Variants in ADAM9 observed in about 807,000 individuals in gnomAD.
The protein encoded by ADAM9 is ADAM metallopeptidase domain 9.
ADAM9 carries 54 observed loss-of-function variants against 108.1 expected under a neutral mutation model. The observed-to-expected ratio is 0.50, with a 90% confidence interval of 0.40 to 0.63. The LOEUF (loss-of-function observed/expected upper bound fraction) is 0.63, where lower values mean the gene tolerates loss of function less well. ADAM9 is among the 20% of genes least tolerant of loss of function. The probability of loss-of-function intolerance (pLI) is 0.00; values close to 1 mark genes in which losing one functional copy is unlikely to be tolerated. For synonymous variants in ADAM9, 316 were observed against 336.0 expected (o/e 0.94, Z 0.65); for missense variants, 830 against 997.7 (o/e 0.83, Z 2.26).
intron 6 of ADAM9, among the ~76,000 whole-genome samples, 191 bp downstream of exon 6, chr8:39,017,605 G>A (rs1273625785): frequency 6.6e-6 from 1 of 152,092 alleles, no homozygotes; most frequent in Non-Finnish European, 1.5e-5. Context: ...ACCAAGTTGA[G>A]TACAGTTTAG....
intron 9 of ADAM9, among the ~76,000 whole-genome samples, chr8:39,023,653 GA>G (rs1836820317): frequency 6.6e-6 from 1 of 150,676 alleles, no homozygotes; most frequent in East Asian, 2.0e-4. Context: ...GAACAGAATT[GA>G]AAAATTATCT....
At chr8:39,078,732 G>C (rs1408064057) in intron 16 of ADAM9, among the ~76,000 whole-genome samples, 1 of 152,248 alleles carries the variant, frequency 6.6e-6, no homozygotes, top group Non-Finnish European at 1.5e-5. Flanking sequence ...AGTGAGCCGA[G>C]ATTATGCCAC....
chr8:39,007,533 C>A (rs560744725), intron 1 of ADAM9, among the ~76,000 whole-genome samples: 1 of 152,270 alleles, frequency 6.6e-6, no homozygotes, highest in Non-Finnish European at 1.5e-5. Flanking sequence ...CCCCACCAAA[C>A]CAGTTCTTTT....
At chr8:39,021,765 C>T in intron 8 of ADAM9, 51 bp downstream of exon 8, 1 of 1,503,942 alleles carries the variant, frequency 6.6e-7, no homozygotes, top group Non-Finnish European at 9.3e-7. Flanking sequence ...TTCTTTCAGT[C>T]CCAGAACAGA....
intron 2 of ADAM9, among the ~76,000 whole-genome samples, chr8:39,008,649 C>A (rs1439942675): frequency 6.6e-6 from 1 of 152,078 alleles, no homozygotes; most frequent in Non-Finnish European, 1.5e-5. Context: ...AATTATATAA[C>A]CTCACTCAGT....
chr8:39,090,820 C>A (rs1228569120), intron 19 of ADAM9, among the ~76,000 whole-genome samples: 2 of 152,216 alleles, frequency 1.3e-5, no homozygotes, highest in Non-Finnish European at 2.9e-5. Flanking sequence ...TTTCATACAT[C>A]TCCACTGCAC....
At chr8:39,060,546 C>T (rs1349772893) in intron 14 of ADAM9, among the ~76,000 whole-genome samples, 1 of 152,208 alleles carries the variant, frequency 6.6e-6, no homozygotes, top group Admixed American at 6.5e-5. Context: ...GCAACTTCTT[C>T]TTCCCCTTAG....
At chr8:39,044,472 G>C (rs1251501557) in intron 12 of ADAM9, among the ~76,000 whole-genome samples, 2 of 152,002 alleles carry the variant, frequency 1.3e-5, no homozygotes, top group African/African-American at 4.8e-5. Flanking sequence ...TTTAGATTCA[G>C]GGGGTACATA....
chr8:39,042,051 T>C lies in ADAM9; in HGVS notation c.1236T>C (p.Tyr412=), dbSNP rs78451751. ...ATATTCCAAAGCCTGATGAAGCCTA[T>C]AGTGCTCCCTCCTGTGGTAATAAGT... ...LLNIPKPDEA[Y]SAPSCGNKLV... is the part of the protein sequence containing the mutation. The change falls in exon 12 of 22, where the codon TAT becomes TAC. Residue 412 remains tyrosine, a synonymous_variant. Coordinates refer to ENST00000487273, the MANE Select transcript of ADAM9 (RefSeq NM_003816.3). 3.8e-4 allele frequency: 611 copies of C among 1,614,132 alleles called. 6 individuals are homozygous for C. In the East Asian group the frequency reaches 0.013, roughly 35 times the overall value.
intron 15 of ADAM9, among the ~76,000 whole-genome samples, chr8:39,072,297 T>TCTACCCATTCTA (rs1838719345): frequency 6.6e-6 from 1 of 152,206 alleles, no homozygotes; most frequent in Admixed American, 6.5e-5. Context: ...TATCATTGCT[T>TCTACCCATTCTA]CTACCCATTC....
At chr8:39,073,862 A>G (rs1314734736) in intron 15 of ADAM9, among the ~76,000 whole-genome samples, 1 of 152,214 alleles carries the variant, frequency 6.6e-6, no homozygotes, top group Admixed American at 6.5e-5. Context: ...CAAACAATAT[A>G]GTCATTAAGA....
chr8:39,009,090 G>A (rs1747442003), intron 2 of ADAM9, among the ~76,000 whole-genome samples: 1 of 152,172 alleles, frequency 6.6e-6, no homozygotes, highest in South Asian at 2.1e-4. Context: ...GGAACTTTTA[G>A]TTTTGGTCCT....
At chr8:39,054,410 A>T in intron 12 of ADAM9, 71 bp from the exon 13 acceptor site, 1 of 1,337,160 alleles carries the variant, frequency 7.5e-7, no homozygotes, top group South Asian at 1.2e-5. Context: ...TAGGTGTAAG[A>T]TGAGAATTTT....
intron 20 of ADAM9, among the ~76,000 whole-genome samples, chr8:39,092,174 T>C (rs1420680578): frequency 6.6e-6 from 1 of 152,222 alleles, no homozygotes; most frequent in Admixed American, 6.5e-5. Flanking sequence ...TTTAAAACTT[T>C]TAAGAACGTT....
At chr8:39,067,370 A>C (rs776949412) in intron 14 of ADAM9, among the ~76,000 whole-genome samples, 34 of 152,246 alleles carry the variant, frequency 2.2e-4, no homozygotes, top group Non-Finnish European at 2.9e-4. Context: ...GATATTGATT[A>C]TTCCTATCCA....
At chr8:39,076,700 A>G (rs900361704) in intron 15 of ADAM9, among the ~76,000 whole-genome samples, 2 of 152,250 alleles carry the variant, frequency 1.3e-5, no homozygotes, top group Non-Finnish European at 2.9e-5. Flanking sequence ...GGAAGCCTTC[A>G]TAGAGTTCTG....
At chr8:38,999,643 A>G (rs1452523707) in intron 1 of ADAM9, among the ~76,000 whole-genome samples, 3 of 152,226 alleles carry the variant, frequency 2.0e-5, no homozygotes, top group Non-Finnish European at 2.9e-5. Context: ...TTTAAGAATG[A>G]TTTGGTTTTC....
intron 12 of ADAM9, among the ~76,000 whole-genome samples, 189 bp downstream of exon 12, chr8:39,042,306 C>T (rs985824674): frequency 9.2e-5 from 14 of 152,094 alleles, no homozygotes; most frequent in African/African-American, 2.7e-4. Flanking sequence ...GTATGACTAA[C>T]GGTGCCATCT....
intron 16 of ADAM9, 56 bp downstream of exon 16, chr8:39,077,467 TATAC>T: frequency 1.4e-6 from 2 of 1,466,916 alleles, no homozygotes; most frequent in Non-Finnish European, 1.9e-6. Context: ...AAAAAATTAT[TATAC>T]ATAGTAAGTG....
Sources: gnomAD v4.1 joint callset for allele counts (sites outside exome capture counted in the v4.1 genomes callset) on GRCh38, gnomAD v4.1.1 for gene constraint, MANE v1.5 for transcripts, NCBI Gene and HGNC (gene_info 2026-07-23, HGNC 2026-07-21) for gene names.